The following SPATA22 variants were observed in gnomAD, a reference collection of about 807,000 sequenced individuals.
SPATA22 encodes the protein spermatogenesis associated 22, also known as spermatogenesis-associated protein 22.
SPATA22 carries 29 observed loss-of-function variants against 47.8 expected under a neutral mutation model. The observed-to-expected ratio is 0.61, with a 90% confidence interval of 0.45 to 0.83. SPATA22 has a LOEUF of 0.83. Among genes scored for constraint, SPATA22 ranks in the 40% least tolerant of loss-of-function variants. The pLI is 0.00. For synonymous variants in SPATA22, 133 were observed against 140.9 expected (o/e 0.94, Z 0.40); for missense variants, 410 against 421.7 (o/e 0.97, Z 0.24).
chr17:3,513,797 C>A, exon 1 of SPATA22: 1 of 831,124 alleles, frequency 1.2e-6, no homozygotes. Flanking sequence ...CGAGGGTGCA[C>A]TCTGCTTCTA....
Position 3,441,543 on chromosome 17 carries a change from C to T in SPATA22, c.901-1205G>A, listed in dbSNP as rs548722258. 2.6e-5 allele frequency: 4 copies of T among 152,128 alleles called. No homozygotes were observed. The South Asian group carries it at 8.3e-4, about 32-fold the overall frequency. The allele number at this position is 152,128 out of a possible 1,614,324, so 9.4% of individuals were successfully genotyped here. A position where few individuals can be genotyped will look rare whatever the true frequency, so the allele number is the denominator to read the frequency against. ...AGAATGCAGAGCAACCATAACTCTC[C>T]TACATTGCCTGTGAGTACTTAAATT... On this transcript the variant is annotated intron_variant, in intron 8 of 8. Coordinates refer to ENST00000572969, the MANE Select transcript of SPATA22 (RefSeq NM_001170698.2).
intron 1 of SPATA22, among the ~76,000 whole-genome samples, chr17:3,498,553 C>T (rs761857210): frequency 1.3e-5 from 2 of 152,058 alleles, no homozygotes; most frequent in Non-Finnish European, 2.9e-5. Flanking sequence ...CTCTGTGTTG[C>T]CCAGGCTGGT....
At chr17:3,478,557 T>G (rs933642716) in intron 1 of SPATA22, among the ~76,000 whole-genome samples, 2 of 152,222 alleles carry the variant, frequency 1.3e-5, no homozygotes, top group Non-Finnish European at 1.5e-5. Flanking sequence ...AGGATAACTT[T>G]TAGTCGGCAT....
At chr17:3,471,517 C>G (rs1048553668) in intron 1 of SPATA22, 165 bp downstream of exon 1, 3 of 977,336 alleles carry the variant, frequency 3.1e-6, no homozygotes, top group Non-Finnish European at 3.6e-6. Context: ...TCAATCTGCA[C>G]GCACACACAC....
rs2072792566 is a variant in SPATA22, at chr17:3,449,009, T to C, written c.470A>G (p.Gln157Arg). ...PVSSGAQQQKQLRIPEPPNLS... is the reference protein window; with the variant it reads ...PVSSGAQQQKRLRIPEPPNLS... ...GTTAGGAGGTTCAGGTATTCTTAATTGTTTTTGTTGTTGAGCTCCCGAACT... is the reference window on the plus strand; with the variant it reads ...GTTAGGAGGTTCAGGTATTCTTAATCGTTTTTGTTGTTGAGCTCCCGAACT... Residue 157 changes from glutamine (Q) to arginine (R), a missense_variant, in exon 6 of 9, where the codon CAA (glutamine) becomes CGA (arginine). By Grantham distance (43) the Gln-to-Arg change is conservative. Coordinates refer to ENST00000572969, the MANE Select transcript of SPATA22 (RefSeq NM_001170698.2). The C allele has an allele frequency of 6.2e-7, 1 of 1,614,070 alleles. No homozygotes were observed.
intron 7 of SPATA22, 104 bp from the exon 8 acceptor site, chr17:3,443,375 A>C: frequency 1.4e-6 from 1 of 719,122 alleles, no homozygotes; most frequent in Non-Finnish European, 2.3e-6. Context: ...TCAACCTCTC[A>C]TAGTGCTATT....
rs71379504 is a variant in SPATA22, at chr17:3,460,792, CAAAAA to C, written c.329+1686_329+1690del. 5.0e-5 allele frequency among the ~76,000 whole-genome samples: 3 copies of C among 60,098 alleles called. No individual in the cohort carries two copies. The East Asian group carries it at 2.8e-3, about 56-fold the overall frequency. The allele number at this position is 60,098 out of a possible 152,430, so 39.4% of individuals were successfully genotyped here. A position where few individuals can be genotyped will look rare whatever the true frequency, so the allele number is the denominator to read the frequency against. ...TGGGCAACATGGCAAGATCCAGTCT[CAAAAA>C]AAAAAAAAAAAAAAAAAGATTAAAA... On this transcript the variant is annotated intron_variant, in intron 5 of 8. Coordinates refer to ENST00000572969, the MANE Select transcript of SPATA22 (RefSeq NM_001170698.2).
chr17:3,465,935 C>T (rs1294587454), intron 3 of SPATA22, among the ~76,000 whole-genome samples: 1 of 151,936 alleles, frequency 6.6e-6, no homozygotes, highest in Admixed American at 6.6e-5. Flanking sequence ...CTCAATTTTT[C>T]AAGGTCAACA....
intron 5 of SPATA22, among the ~76,000 whole-genome samples, chr17:3,453,270 C>T (rs1037171879): frequency 3.3e-5 from 5 of 152,068 alleles, no homozygotes; most frequent in South Asian, 2.1e-4. Flanking sequence ...GCACATGTAC[C>T]GCTTATATTT....
rs373639689 is a variant in SPATA22, at chr17:3,481,766, A to G, written c.-73-12368T>C. ...TCTTATTCTTGAGGATTCCAGGAAT[A>G]ACTTTTTAATTCAGATGTTTCATTA... On this transcript the variant is annotated intron_variant, in intron 1 of 8. Transcript: ENST00000541913. The G allele has an allele frequency of 3.1e-6, 5 of 1,612,164 alleles. No homozygotes were observed. The African/African-American group carries it at 6.7e-5, about 22-fold the overall frequency.
intron 7 of SPATA22, among the ~76,000 whole-genome samples, chr17:3,443,592 A>G (rs1238854844): frequency 2.0e-5 from 3 of 152,044 alleles, no homozygotes; most frequent in African/African-American, 4.8e-5. Context: ...CTACAACATT[A>G]TAATAATAAA....
intron 5 of SPATA22, among the ~76,000 whole-genome samples, chr17:3,459,784 T>C (rs1247922763): frequency 6.6e-6 from 1 of 152,184 alleles, no homozygotes; most frequent in Non-Finnish European, 1.5e-5. Flanking sequence ...AAGATGAGAC[T>C]GTCAAGAGAG....
intron 1 of SPATA22, among the ~76,000 whole-genome samples, chr17:3,492,455 G>C (rs1010852180): frequency 1.2e-4 from 19 of 152,200 alleles, no homozygotes; most frequent in African/African-American, 4.3e-4. Context: ...AGGTGTGGTA[G>C]ATTTTAATTC....
chr17:3,483,363 A>T, intron 1 of SPATA22: 1 of 744,146 alleles, frequency 1.3e-6, no homozygotes, highest in African/African-American at 1.7e-5. Flanking sequence ...ATTGGGTTTT[A>T]AAGTATTTCA....
At chr17:3,462,851 G>T in intron 3 of SPATA22, 84 bp from the exon 4 acceptor site, 1 of 1,155,950 alleles carries the variant, frequency 8.7e-7, no homozygotes. Context: ...TAATTTGGAG[G>T]GTTTAAAAAC....
chr17:3,505,952 T>G (rs908862632), intron 1 of SPATA22, among the ~76,000 whole-genome samples: 1 of 152,048 alleles, frequency 6.6e-6, no homozygotes, highest in Non-Finnish European at 1.5e-5. Context: ...GAGATGGGGT[T>G]TCATCATATT....
At chr17:3,447,353 G>T (rs1036317008) in intron 6 of SPATA22, among the ~76,000 whole-genome samples, 2 of 152,120 alleles carry the variant, frequency 1.3e-5, no homozygotes, top group African/African-American at 4.8e-5. Context: ...TTGTGAGGGT[G>T]AGGGTTGTGA....
intron 1 of SPATA22, among the ~76,000 whole-genome samples, chr17:3,470,837 G>A (rs886140930): frequency 6.6e-6 from 1 of 151,514 alleles, no homozygotes; most frequent in Non-Finnish European, 1.5e-5. Flanking sequence ...TTGAAGCTGG[G>A]TAGAAGAGAT....
chr17:3,473,053 C>T (rs929200862), upstream of SPATA22, among the ~76,000 whole-genome samples: 20 of 149,274 alleles, frequency 1.3e-4, no homozygotes, highest in African/African-American at 4.0e-4. Context: ...TATCTACATA[C>T]GGATGTGCAT....
Sources: allele counts gnomAD v4.1 joint callset (sites outside exome capture counted in the v4.1 genomes callset), GRCh38; gene constraint gnomAD v4.1.1; transcripts MANE v1.5; gene names NCBI Gene and HGNC (gene_info 2026-07-23, HGNC 2026-07-21).